The following F13B variants were observed in gnomAD, a reference collection of about 807,000 sequenced individuals.
F13B encodes coagulation factor XIII B chain.
F13B carries 58 observed loss-of-function variants against 79.8 expected under a neutral mutation model. The ratio of observed to expected loss-of-function variants is 0.73; its 90% CI spans 0.59 to 0.90. F13B has a LOEUF of 0.90. Among genes scored for constraint, F13B ranks in the 40% least tolerant of loss-of-function variants. The probability of loss-of-function intolerance (pLI) is 0.00; values close to 1 mark genes in which losing one functional copy is unlikely to be tolerated. For missense variants in F13B, 773 were observed against 777.0 expected, an observed-to-expected ratio of 0.99 and a Z score of 0.06; for synonymous variants, 283 against 260.3, an observed-to-expected ratio of 1.09 and a Z score of -0.84.
At position 197,060,991 on chromosome 1, in the gene F13B, T is replaced by G. The variant is rs1264679739; in HGVS notation, c.536A>C (p.Glu179Ala). The G allele has an allele frequency of 1.9e-6, 3 of 1,611,502 alleles. No homozygotes were observed. Among genetic ancestry groups the G allele is most frequent in the Non-Finnish European group, 2.5e-6 (3 of 1,177,978 alleles). Reference sequence around the variant, plus strand: ...AGCTGTGTAGTAGCCAGTAGCACATTCGTATTGTACTTTGTCCTTCACTTT... The same window carrying G: ...AGCTGTGTAGTAGCCAGTAGCACATGCGTATTGTACTTTGTCCTTCACTTT... ...TFKVKDKVQY[E>A]CATGYYTAGG... The change falls in exon 4 of 12, where the codon GAA (glutamate) becomes GCA (alanine). Residue 179 changes from glutamate to alanine, a missense_variant. Physicochemically the swap from Glu to Ala is moderately radical, Grantham distance 107. Coordinates refer to ENST00000367412, the MANE Select transcript of F13B (RefSeq NM_001994.3).
At chr1:197,066,335 T>C (rs1392545537) in intron 1 of F13B, among the ~76,000 whole-genome samples, 1 of 152,206 alleles carries the variant, frequency 6.6e-6, no homozygotes, top group African/African-American at 2.4e-5. Context: ...AGAAAAGCTG[T>C]ATTGCTGTAG....
chr1:197,039,384 T>C lies in F13B; in HGVS notation c.1980A>G (p.Arg660=), dbSNP rs1654953345. The change falls in exon 12 of 12, where the codon AGA becomes AGG. Residue 660 remains arginine, a synonymous_variant. Coordinates refer to ENST00000367412, the MANE Select transcript of F13B (RefSeq NM_001994.3). ...CTCTTTCTGCCATTCATTTCTATGT[T>C]CTTAAGGGTTCTTGATAAGACAGAG... ...QSTLSYQEPL[R]T The C allele has an allele frequency of 6.2e-7, 1 of 1,610,624 alleles. No homozygotes were observed. Among genetic ancestry groups the C allele is most frequent in the African/African-American group, 1.3e-5 (1 of 74,846 alleles).
intron 10 of F13B, among the ~76,000 whole-genome samples, chr1:197,046,475 T>C (rs1484404015): frequency 1.3e-5 from 2 of 151,750 alleles, no homozygotes; most frequent in African/African-American, 4.8e-5. Context: ...AAGGACCTCT[T>C]CAAGAACTAC....
intron 1 of F13B, among the ~76,000 whole-genome samples, chr1:197,063,580 A>ATTTGGG (rs1655945918): frequency 1.3e-5 from 2 of 152,098 alleles, no homozygotes; most frequent in Non-Finnish European, 2.9e-5. Flanking sequence ...TTGGCCTCCC[A>ATTTGGG]AAGCACTAGG....
intron 8 of F13B, 30 bp downstream of exon 8, chr1:197,055,685 C>A (rs759471400): frequency 6.2e-7 from 1 of 1,604,658 alleles, no homozygotes; most frequent in Non-Finnish European, 8.5e-7. Context: ...AAAGTACAAA[C>A]GTAGACATTC....
intron 10 of F13B, among the ~76,000 whole-genome samples, chr1:197,042,994 A>G (rs554597241): frequency 1.3e-4 from 20 of 152,048 alleles, no homozygotes; most frequent in Non-Finnish European, 2.6e-4. Flanking sequence ...AAACCAAAGC[A>G]GCCAGGACTT....
intron 8 of F13B, among the ~76,000 whole-genome samples, chr1:197,054,231 C>T (rs754631062): frequency 4.6e-5 from 7 of 152,074 alleles, no homozygotes; most frequent in Non-Finnish European, 1.0e-4. Flanking sequence ...GTTGTTATTT[C>T]CTTATGAGCT....
At chr1:197,046,356 C>T (rs931397985) in intron 10 of F13B, among the ~76,000 whole-genome samples, 2 of 152,108 alleles carry the variant, frequency 1.3e-5, no homozygotes, top group Admixed American at 6.6e-5. Context: ...CACAAGCATT[C>T]CTATACATCA....
At chr1:197,058,049 A>T (rs1655713660) in intron 5 of F13B, among the ~76,000 whole-genome samples, 1 of 152,016 alleles carries the variant, frequency 6.6e-6, no homozygotes, top group South Asian at 2.1e-4. Flanking sequence ...CAGACCCCCA[A>T]CCTACACCCA....
At position 197,040,749 on chromosome 1, in the gene F13B, T is replaced by A. The variant is rs1162192234; in HGVS notation, c.1739-14A>T. On this transcript the variant is annotated splice_polypyrimidine_tract_variant and intron_variant, in intron 10 of 11. Coordinates refer to ENST00000367412, the MANE Select transcript of F13B (RefSeq NM_001994.3). Reference sequence around the variant, plus strand: ...ATGTGCATGGCTCTGGGAACAACAATTTAAAAAAAAAGAAAGAAAAAGAAG... The same window carrying A: ...ATGTGCATGGCTCTGGGAACAACAAATTAAAAAAAAAGAAAGAAAAAGAAG... 2 of 1,578,680 alleles carry A rather than the reference T, an allele frequency of 1.3e-6. No individual in the cohort carries two copies. Among genetic ancestry groups the A allele is most frequent in the Non-Finnish European group, 1.7e-6 (2 of 1,155,646 alleles).
chr1:197,062,942 C>A lies in F13B; in HGVS notation c.180G>T (p.Leu60Phe). 2 of 1,613,838 alleles carry A rather than the reference C, an allele frequency of 1.2e-6. No individual in the cohort carries two copies. Among genetic ancestry groups the A allele is most frequent in the Non-Finnish European group, 1.7e-6 (2 of 1,179,818 alleles). The change falls in exon 2 of 12, where the codon TTG becomes TTT. Residue 60 changes from leucine to phenylalanine, a missense_variant. Coordinates refer to ENST00000367412, the MANE Select transcript of F13B (RefSeq NM_001994.3). ...SIDKKLSFFC[L>F]AGYTTESGRQ... is the part of the protein sequence containing the mutation. ...TTCCACTTTCAGTGGTATAACCAGC[C>A]AAGCAGAAAAATGACAATTTTTTGT...
chr1:197,043,148 C>T (rs952244998), intron 10 of F13B, among the ~76,000 whole-genome samples: 7 of 152,048 alleles, frequency 4.6e-5, no homozygotes, highest in Non-Finnish European at 1.0e-4. Flanking sequence ...TAAAAAGTTA[C>T]AGTGGGCATT....
At chr1:197,041,403 T>A (rs976964547) in intron 10 of F13B, among the ~76,000 whole-genome samples, 3 of 152,300 alleles carry the variant, frequency 2.0e-5, no homozygotes, top group African/African-American at 7.2e-5. Flanking sequence ...CTCTTCGATT[T>A]TTTTTACAGA....
chr1:197,052,307 C>A (rs1018305545), intron 9 of F13B, among the ~76,000 whole-genome samples: 3 of 152,078 alleles, frequency 2.0e-5, no homozygotes, highest in Non-Finnish European at 4.4e-5. Flanking sequence ...AATAGGAATG[C>A]TTTTACACTG....
At position 197,057,349 on chromosome 1, in the gene F13B, T is replaced by C. The variant is rs1376832951; in HGVS notation, c.922A>G (p.Ile308Val). The C allele has an allele frequency of 4.3e-6, 7 of 1,614,000 alleles. No individual in the cohort carries two copies. The highest frequency in any genetic ancestry group is 5.9e-6 in the Non-Finnish European group (7 of 1,179,936). The change falls in exon 6 of 12, where the codon ATC becomes GTC. Residue 308 changes from isoleucine to valine, a missense_variant. Physicochemically the swap from Ile to Val is conservative, Grantham distance 29. Transcript: ENST00000367412. Reference protein sequence around the residue: ...VHIECELNFEIHGSAEIRCED... With the variant: ...VHIECELNFEVHGSAEIRCED... ...CAACGTATTTCTGCTGACCCATGGA[T>C]CTCAAAATTAAGTTCACATTCTATA... is the stretch of plus-strand genomic sequence containing the variant.
intron 3 of F13B, 127 bp from the exon 4 acceptor site, chr1:197,061,202 T>A (rs370204776): frequency 2.9e-5 from 15 of 517,572 alleles, no homozygotes; most frequent in African/African-American, 2.4e-4. Context: ...AATTGAAAAA[T>A]AGCCCCAATT....
chr1:197,049,655 T>C lies in F13B; in HGVS notation c.1738+1042A>G, dbSNP rs549766911. 1.8e-4 allele frequency among the ~76,000 whole-genome samples: 27 copies of C among 152,168 alleles called. No individual in the cohort carries two copies. The South Asian group carries it at 5.4e-3, about 30-fold the overall frequency. Reference sequence around the variant, plus strand: ...TAAAATTATAAAGGAAGAAATAGCATCAATCCAGAGAACCAGAAAAGACGG... The same window carrying C: ...TAAAATTATAAAGGAAGAAATAGCACCAATCCAGAGAACCAGAAAAGACGG... On this transcript the variant is annotated intron_variant, in intron 10 of 11. Coordinates refer to ENST00000367412, the MANE Select transcript of F13B (RefSeq NM_001994.3).
intron 10 of F13B, among the ~76,000 whole-genome samples, chr1:197,047,596 A>T (rs542566977): frequency 2.0e-5 from 3 of 152,196 alleles, no homozygotes; most frequent in African/African-American, 4.8e-5. Flanking sequence ...CTCCTCAAGG[A>T]TCTAGAACTA....
At position 197,040,557 on chromosome 1, in the gene F13B, C is replaced by T. The variant is rs920890454; in HGVS notation, c.1917G>A (p.Gly639=). 5.6e-6 allele frequency: 9 copies of T among 1,612,272 alleles called. No homozygotes were observed. In the Middle Eastern group the frequency reaches 5.1e-4, roughly 91 times the overall value. ...GAATACATCTTGGATATTTTAACTG[C>T]CCTCTGTCACATTGCATTCTAAGTA... ...GSILRMQCDR[G]QLKYPRCIPR... The change falls in exon 11 of 12, where the codon GGG becomes GGA. Residue 639 remains glycine (G), a synonymous_variant. Coordinates refer to ENST00000367412, the MANE Select transcript of F13B (RefSeq NM_001994.3).
Sources: gnomAD v4.1 joint callset for allele counts (sites outside exome capture counted in the v4.1 genomes callset) on GRCh38, gnomAD v4.1.1 for gene constraint, MANE v1.5 for transcripts, NCBI Gene and HGNC (gene_info 2026-07-23, HGNC 2026-07-21) for gene names.